TNKS: variants seen among roughly 807,000 people sequenced by gnomAD.
The protein encoded by TNKS is tankyrase, also known as poly [ADP-ribose] polymerase tankyrase-1.
TNKS carries 72 observed loss-of-function variants against 135.8 expected under a neutral mutation model. That is an observed-to-expected ratio of 0.53 (90% CI 0.44 to 0.64). The LOEUF is 0.64. Among genes scored for constraint, TNKS ranks in the 30% least tolerant of loss-of-function variants. The pLI is 0.00. For missense variants in TNKS, 1,769 were observed against 1,674.0 expected (o/e 1.06, Z -0.99); for synonymous variants, 849 against 649.3 (o/e 1.31, Z -4.68).
At chr8:9,717,103 T>TATTTA (rs1554476739) in intron 11 of TNKS, among the ~76,000 whole-genome samples, 32 of 39,304 alleles carry the variant, frequency 8.1e-4, no homozygotes, top group South Asian at 1.7e-3. Context: ...ATATATATAT[T>TATTTA]TTCAGGGAAT....
intron 25 of TNKS, among the ~76,000 whole-genome samples, chr8:9,767,212 A>G (rs1489609748): frequency 6.6e-6 from 1 of 152,238 alleles, no homozygotes; most frequent in Non-Finnish European, 1.5e-5. Context: ...CAACTTTGGA[A>G]TTAATAGCAA....
Position 9,751,757 on chromosome 8 carries a change from A to G in TNKS, c.2981A>G (p.Asn994Ser). ...CTCTCGGCTGCCAGCAGCATAGACA[A>G]CCTCACTGGCCCTTTAGCAGAGTTG... The part of the protein sequence containing the change: ...SCLSAASSID[N>S]LTGPLAELAV... The change falls in exon 19 of 27, where the codon AAC (asparagine) becomes AGC (serine). Residue 994 changes from asparagine to serine, a missense_variant. Transcript: ENST00000310430. The G allele has an allele frequency of 6.2e-7, 1 of 1,614,128 alleles. No individual in the cohort carries two copies. Among genetic ancestry groups the G allele is most frequent in the Non-Finnish European group, 8.5e-7 (1 of 1,180,018 alleles).
At chr8:9,708,715 C>T (rs1484197351) in intron 9 of TNKS, among the ~76,000 whole-genome samples, 2 of 152,014 alleles carry the variant, frequency 1.3e-5, no homozygotes, top group African/African-American at 2.4e-5. Flanking sequence ...AATTATTTTA[C>T]CTTTGTCTTC....
At chr8:9,740,055 T>TAAAA (rs58285747) in intron 17 of TNKS, among the ~76,000 whole-genome samples, 1,060 of 87,104 alleles carry the variant, frequency 0.012, no homozygotes, top group East Asian at 0.019. Context: ...TAGAGTATAA[T>TAAAA]AAAAAAAAAA....
intron 5 of TNKS, among the ~76,000 whole-genome samples, chr8:9,693,170 A>G (rs1017386653): frequency 2.0e-5 from 3 of 152,238 alleles, no homozygotes; most frequent in African/African-American, 7.2e-5. Flanking sequence ...TGTTTTGATA[A>G]GACAGAGCAA....
At chr8:9,626,134 A>G (rs1001577901) in intron 3 of TNKS, among the ~76,000 whole-genome samples, 1 of 152,026 alleles carries the variant, frequency 6.6e-6, no homozygotes, top group Non-Finnish European at 1.5e-5. Flanking sequence ...AATGTGATTG[A>G]CCCTTTCTTC....
intron 3 of TNKS, among the ~76,000 whole-genome samples, chr8:9,650,849 A>G (rs1318374842): frequency 1.3e-5 from 2 of 151,826 alleles, no homozygotes. Flanking sequence ...TTTTTGTTTT[A>G]GTTGCATTTG....
chr8:9,778,963 C>T lies in TNKS; in HGVS notation c.*2227C>T, dbSNP rs1375881173. ...GGATGCGCCAGTTTTCATCTTGGTC[C>T]TTACACTTGAGAAGTTAAACTGTGG... On this transcript the variant is annotated 3_prime_UTR_variant, in exon 27 of 27. Coordinates refer to ENST00000310430, the MANE Select transcript of TNKS (RefSeq NM_003747.3). 6.6e-6 allele frequency: 1 copy of T among 152,200 alleles called. No individual in the cohort carries two copies. The highest frequency in any genetic ancestry group is 6.5e-5 in the Admixed American group (1 of 15,278). 9.4% of individuals were successfully genotyped at this position (152,200 alleles called of 1,614,324 possible). A position where few individuals can be genotyped will look rare whatever the true frequency, so the allele number is the denominator to read the frequency against.
In TNKS at chr8:9,634,788, A is replaced by G. The variant is rs891788259; in HGVS notation, c.994+19111A>G. Reference sequence around the variant, plus strand: ...GCTTGGTTTCTACATGCCGTTTATTAAAAGACACCAAAACTTTGAAAAAAA... The same window carrying G: ...GCTTGGTTTCTACATGCCGTTTATTGAAAGACACCAAAACTTTGAAAAAAA... On this transcript the variant is annotated intron_variant, in intron 3 of 26. Coordinates refer to ENST00000310430, the MANE Select transcript of TNKS (RefSeq NM_003747.3). Among the ~76,000 whole-genome samples, 14 of 152,148 alleles carry G rather than the reference A, an allele frequency of 9.2e-5. No homozygotes were observed. The South Asian group carries it at 2.3e-3, about 25-fold the overall frequency.
At chr8:9,676,276 G>T (rs934725464) in intron 3 of TNKS, among the ~76,000 whole-genome samples, 1 of 152,148 alleles carries the variant, frequency 6.6e-6, no homozygotes, top group Non-Finnish European at 1.5e-5. Flanking sequence ...GCCTCCCAGT[G>T]TGTTGGGATT....
At position 9,708,357 on chromosome 8, in the gene TNKS, T is replaced by C; in HGVS notation, c.1457-14T>C. The C allele has an allele frequency of 6.4e-7, 1 of 1,553,850 alleles. No homozygotes were observed. Among genetic ancestry groups the C allele is most frequent in the Non-Finnish European group, 8.7e-7 (1 of 1,149,438 alleles). Reference sequence around the variant, plus strand: ...TTACATCTTTTTTTATGTCAACCATTGTTTCATTGACAGATGAATTTAAAG... The same window carrying C: ...TTACATCTTTTTTTATGTCAACCATCGTTTCATTGACAGATGAATTTAAAG... On this transcript the variant is annotated splice_polypyrimidine_tract_variant and intron_variant, in intron 8 of 26. Coordinates refer to ENST00000310430, the MANE Select transcript of TNKS (RefSeq NM_003747.3).
rs570847113 is a variant in TNKS at position 9,623,520 on chromosome 8, G to A, written c.994+7843G>A. On this transcript the variant is annotated intron_variant, in intron 3 of 26. Transcript: ENST00000310430. ...TGCAGTAGCATTATGTCTAAAAAAA[G>A]TACTACCTTAATTAAAAATACTTTA... 2.1e-3 allele frequency among the ~76,000 whole-genome samples: 323 copies of A among 151,014 alleles called. 1 individual carries two copies. The highest frequency in any genetic ancestry group is 7.6e-3 in the African/African-American group (310 of 41,038).
At chr8:9,565,053 T>G (rs890679834) in intron 1 of TNKS, among the ~76,000 whole-genome samples, 3 of 152,076 alleles carry the variant, frequency 2.0e-5, no homozygotes, top group African/African-American at 7.2e-5. Context: ...TGAGGAAAGT[T>G]TTAGGTGTTT....
intron 2 of TNKS, among the ~76,000 whole-genome samples, chr8:9,602,080 G>T (rs940034607): frequency 2.0e-5 from 3 of 152,130 alleles, no homozygotes; most frequent in East Asian, 3.9e-4. Context: ...CACAGTTGGG[G>T]AGTGTTAATG....
At chr8:9,672,344 A>G (rs969984958) in intron 3 of TNKS, among the ~76,000 whole-genome samples, 4 of 152,132 alleles carry the variant, frequency 2.6e-5, no homozygotes, top group Admixed American at 2.6e-4. Flanking sequence ...TACATCTACC[A>G]TATATTACAA....
chr8:9,572,556 G>A (rs1797796084), intron 1 of TNKS, among the ~76,000 whole-genome samples: 1 of 151,798 alleles, frequency 6.6e-6, no homozygotes, highest in African/African-American at 2.4e-5. Flanking sequence ...CCTAGTTTCG[G>A]GACTATCACT....
intron 3 of TNKS, among the ~76,000 whole-genome samples, chr8:9,634,717 G>C (rs756236745): frequency 6.6e-6 from 1 of 152,060 alleles, no homozygotes; most frequent in Non-Finnish European, 1.5e-5. Flanking sequence ...AAAAGACCTA[G>C]AAGCAGTGAG....
intron 3 of TNKS, among the ~76,000 whole-genome samples, chr8:9,629,082 T>C (rs1046129822): frequency 1.3e-5 from 2 of 152,246 alleles, no homozygotes; most frequent in African/African-American, 4.8e-5. Flanking sequence ...TTCTGATTTA[T>C]ACTAGGTCTC....
At position 9,613,256 on chromosome 8, in the gene TNKS, G is replaced by C. The variant is rs112528904; in HGVS notation, c.899-2326G>C. ...CCTAGAGCAAAGCATGGAATTAGTCGTCACTGGTAGAGTTGAGAGTACACA... is the reference window on the plus strand; with the variant it reads ...CCTAGAGCAAAGCATGGAATTAGTCCTCACTGGTAGAGTTGAGAGTACACA... On this transcript the variant is annotated intron_variant, in intron 2 of 26. Coordinates refer to ENST00000310430, the MANE Select transcript of TNKS (RefSeq NM_003747.3). 2.9e-3 allele frequency among the ~76,000 whole-genome samples: 444 copies of C among 152,274 alleles called. 2 individuals carry two copies. The highest frequency in any genetic ancestry group is 0.01 in the African/African-American group (433 of 41,550).
Sources: gnomAD v4.1 joint callset for allele counts (sites outside exome capture counted in the v4.1 genomes callset) on GRCh38, gnomAD v4.1.1 for gene constraint, MANE v1.5 for transcripts, NCBI Gene and HGNC (gene_info 2026-07-23, HGNC 2026-07-21) for gene names.